The following MTMR10 variants were observed in gnomAD, a reference collection of about 807,000 sequenced individuals.
MTMR10 encodes myotubularin related protein 10, also known as myotubularin-related protein 10.
A neutral mutation model predicts 88.1 loss-of-function variants in MTMR10; 56 were observed. The ratio of observed to expected loss-of-function variants is 0.64; its 90% CI spans 0.51 to 0.79. The LOEUF is 0.79. Among genes scored for constraint, MTMR10 ranks in the 30% least tolerant of loss-of-function variants. MTMR10 has a pLI of 0.00. For missense variants in MTMR10, 883 were observed against 924.7 expected (o/e 0.95, Z 0.58); for synonymous variants, 380 against 340.9 (o/e 1.11, Z -1.26).
At chr15:30,965,587 G>GA (rs2063463301) in intron 6 of MTMR10, among the ~76,000 whole-genome samples, 1 of 152,122 alleles carries the variant, frequency 6.6e-6, no homozygotes, top group Non-Finnish European at 1.5e-5. Context: ...AGTTAAAAGA[G>GA]AAAAAACAGA....
rs1185226933 is a variant in MTMR10 at position 30,976,682 on chromosome 15, TTAATA to T, written c.258+132_258+136del. The stretch of plus-strand genomic sequence containing the variant: ...TTCTTCTTAAACTTTACTTTAAATC[TTAATA>T]TAATTTATCCCAAACATTGCATTAC... On this transcript the variant is annotated intron_variant, in intron 3 of 15. Coordinates refer to ENST00000435680, the MANE Select transcript of MTMR10 (RefSeq NM_017762.3). The T allele has an allele frequency of 2.0e-5, 20 of 1,009,964 alleles. No homozygotes were observed. In the East Asian group the frequency reaches 4.2e-4, roughly 21 times the overall value. 62.6% of individuals were successfully genotyped at this position (1,009,964 alleles called of 1,614,324 possible).
chr15:30,991,622 G>C lies in MTMR10; in HGVS notation c.-116C>G. The C allele has an allele frequency of 7.8e-7, 1 of 1,284,178 alleles. No homozygotes were observed. Among genetic ancestry groups the C allele is most frequent in the Non-Finnish European group, 1.0e-6 (1 of 973,876 alleles). 79.5% of individuals were successfully genotyped at this position (1,284,178 alleles called of 1,614,324 possible). A position where few individuals can be genotyped will look rare whatever the true frequency, so the allele number is the denominator to read the frequency against. The stretch of plus-strand genomic sequence containing the variant: ...CCCTTTCTGCGGCCAGCCGAGCCGG[G>C]CGGACTGACGGGCGGGGATACGGCG... On this transcript the variant is annotated 5_prime_UTR_variant, in exon 1 of 16. Coordinates refer to ENST00000435680, the MANE Select transcript of MTMR10 (RefSeq NM_017762.3).
intron 7 of MTMR10, 151 bp downstream of exon 7, chr15:30,960,730 G>T (rs2063390206): frequency 2.7e-6 from 3 of 1,127,160 alleles, no homozygotes; most frequent in South Asian, 3.1e-5. Context: ...AATAAGCCTT[G>T]ATCTTTAAAA....
At chr15:30,928,497 A>G in the MTMR10 span, 4 of 1,493,228 alleles carry the variant, frequency 2.7e-6, no homozygotes, top group African/African-American at 6.4e-5. Context: ...GAAACAGATA[A>G]AACAGATTTT....
At chr15:30,931,518 G>GT in the MTMR10 span, among the ~76,000 whole-genome samples, 3 of 152,154 alleles carry the variant, frequency 2.0e-5, no homozygotes, top group African/African-American at 7.2e-5. Context: ...GTCACAAAGA[G>GT]TTTCTCCTTT....
chr15:30,936,047 C>G (rs2062843504), downstream of MTMR10, among the ~76,000 whole-genome samples: 1 of 151,770 alleles, frequency 6.6e-6, no homozygotes, highest in Non-Finnish European at 1.5e-5. Flanking sequence ...TTTGGGGACT[C>G]TAATTAAATG....
chr15:30,930,961 A>C, the MTMR10 span, among the ~76,000 whole-genome samples: 2 of 152,206 alleles, frequency 1.3e-5, no homozygotes, highest in Non-Finnish European at 2.9e-5. Context: ...ACGAGTCTCT[A>C]GTCCAGCTGA....
chr15:30,943,105 T>C, intron 14 of MTMR10, 33 bp from the exon 15 acceptor site: 1 of 1,525,102 alleles, frequency 6.6e-7, no homozygotes, highest in Non-Finnish European at 8.8e-7. Flanking sequence ...TTTGCAAAAC[T>C]AAAGATTCTC....
At chr15:30,990,964 C>T (rs1346331538) in intron 1 of MTMR10, 127 bp from the exon 2 acceptor site, 2 of 757,114 alleles carry the variant, frequency 2.6e-6, no homozygotes, top group Admixed American at 2.9e-5. Flanking sequence ...TAAATTCTTT[C>T]GCATATTAAC....
chr15:30,940,344 C>A lies in MTMR10; in HGVS notation c.*1126G>T. On this transcript the variant is annotated 3_prime_UTR_variant, in exon 16 of 16. Transcript: ENST00000435680. ...GCTCATTCTCCTCAACTTTGCTGTC[C>A]AAAGTTGGGGGCTGGGGGAGCACTT... 1.0e-6 allele frequency: 1 copy of A among 985,386 alleles called. No individual in the cohort carries two copies. The highest frequency in any genetic ancestry group is 1.2e-6 in the Non-Finnish European group (1 of 829,920). The allele number at this position is 985,386 out of a possible 1,614,324, so 61.0% of individuals were successfully genotyped here. A position where few individuals can be genotyped will look rare whatever the true frequency, so the allele number is the denominator to read the frequency against.
the MTMR10 span, chr15:30,920,423 T>C: frequency 2.9e-6 from 2 of 684,896 alleles, no homozygotes; most frequent in Non-Finnish European, 5.0e-6. Context: ...TGTACACAAC[T>C]GAAAGTATTT....
chr15:30,970,881 T>C (rs760695975), intron 5 of MTMR10, among the ~76,000 whole-genome samples: 20 of 152,280 alleles, frequency 1.3e-4, no homozygotes, highest in South Asian at 2.1e-4. Flanking sequence ...TGCAAGTCAG[T>C]TGAATTACTC....
chr15:30,953,829 G>C (rs954945197), intron 10 of MTMR10, among the ~76,000 whole-genome samples, 198 bp from the exon 11 acceptor site: 1 of 152,156 alleles, frequency 6.6e-6, no homozygotes, highest in African/African-American at 2.4e-5. Flanking sequence ...ATTCCCCTGG[G>C]GCTCCATCAT....
intron 5 of MTMR10, chr15:30,968,256 G>C: frequency 3.1e-6 from 1 of 324,978 alleles, no homozygotes; most frequent in Non-Finnish European, 5.5e-6. Context: ...TATTTGCTGA[G>C]TTAAATTTTA....
rs1476822853 is a variant in MTMR10 at position 30,940,777 on chromosome 15, G to GA, written c.*692dup. 3.8e-5 allele frequency: 38 copies of GA among 987,148 alleles called. No homozygotes were observed. Among genetic ancestry groups the GA allele is most frequent in the Non-Finnish European group, 4.5e-5 (37 of 830,878 alleles). 61.1% of individuals were successfully genotyped at this position (987,148 alleles called of 1,614,324 possible). A position where few individuals can be genotyped will look rare whatever the true frequency, so the allele number is the denominator to read the frequency against. On this transcript the variant is annotated 3_prime_UTR_variant, in exon 16 of 16. Coordinates refer to ENST00000435680, the MANE Select transcript of MTMR10 (RefSeq NM_017762.3). Reference sequence around the variant, plus strand: ...TTTTCCCACCCCAATTTTAAAAAGTGAAATTATATTTTCTTCTGTAATATT... The same window carrying GA: ...TTTTCCCACCCCAATTTTAAAAAGTGAAAATTATATTTTCTTCTGTAATATT...
chr15:30,969,759 C>T (rs1035911964), intron 5 of MTMR10, among the ~76,000 whole-genome samples: 1 of 152,146 alleles, frequency 6.6e-6, no homozygotes, highest in Non-Finnish European at 1.5e-5. Flanking sequence ...CTCTCCTCAC[C>T]AGGTAACTAT....
At chr15:30,943,168 T>G in intron 14 of MTMR10, 96 bp from the exon 15 acceptor site, 1 of 1,463,980 alleles carries the variant, frequency 6.8e-7, no homozygotes, top group Non-Finnish European at 9.0e-7. Flanking sequence ...GGTTAAATGT[T>G]CTGTACTGCA....
At chr15:30,927,590 G>A in the MTMR10 span, 19,147 of 985,524 alleles carry the variant, frequency 0.019, 194 homozygotes, top group Non-Finnish European at 0.021. Flanking sequence ...GTGGTACCAC[G>A]CAGATGGGTT....
In MTMR10 at chr15:30,941,658, T is replaced by C; in HGVS notation, c.2146A>G (p.Met716Val). 1.2e-6 allele frequency: 2 copies of C among 1,612,704 alleles called. No individual in the cohort carries two copies. Reference protein sequence around the residue: ...ACYGELGQSRMYFNASGPHHT... With the variant: ...ACYGELGQSRVYFNASGPHHT... ...TGAGGGCCGCTGGCGTTGAAGTACA[T>C]CCTGCTCTGGCCCAGCTCCCCATAG... Residue 716 changes from methionine (M) to valine (V), a missense_variant, in exon 16 of 16, where the codon ATG becomes GTG. This residue lies in a region of MTMR10 where 343 missense variants were observed against 323.2 expected (regional missense o/e 1.06). Coordinates refer to ENST00000435680, the MANE Select transcript of MTMR10 (RefSeq NM_017762.3).
Sources: allele counts gnomAD v4.1 joint callset (sites outside exome capture counted in the v4.1 genomes callset), GRCh38; gene constraint gnomAD v4.1.1; regional missense constraint gnomAD v4.1.1; transcripts MANE v1.5; gene names NCBI Gene and HGNC (gene_info 2026-07-23, HGNC 2026-07-21).